PRKG1: variants seen among roughly 807,000 people sequenced by gnomAD.
PRKG1 encodes cGMP-dependent protein kinase 1.
In PRKG1, 35 loss-of-function variants were observed where a neutral mutation model predicts 88.1. The ratio of observed to expected loss-of-function variants is 0.40; its 90% CI spans 0.30 to 0.53. PRKG1 has a LOEUF of 0.53. PRKG1 is among the 20% of genes least tolerant of loss of function. The pLI, the probability that PRKG1 is intolerant of heterozygous loss-of-function variation, is 0.59. For synonymous variants in PRKG1, 303 were observed against 292.5 expected (o/e 1.04, Z -0.37); for missense variants, 540 against 839.8 (o/e 0.64, Z 4.41).
intron 2 of PRKG1, among the ~76,000 whole-genome samples, chr10:51,387,903 T>C (rs1254924654): frequency 6.6e-6 from 1 of 152,184 alleles, no homozygotes; most frequent in Non-Finnish European, 1.5e-5. Flanking sequence ...AAACATTTAA[T>C]GTTGGGCATA....
chr10:51,234,703 A>C (rs192060055), intron 2 of PRKG1, among the ~76,000 whole-genome samples: 99 of 152,350 alleles, frequency 6.5e-4, no homozygotes, highest in Admixed American at 2.4e-3. Context: ...AATAGGAATT[A>C]ATATTTTGCA....
intron 7 of PRKG1, among the ~76,000 whole-genome samples, chr10:52,122,291 G>A (rs1374630082): frequency 6.6e-6 from 1 of 152,140 alleles, no homozygotes; most frequent in Non-Finnish European, 1.5e-5. Flanking sequence ...CATTCATGAG[G>A]GCAAAGCCCT....
At chr10:51,451,622 G>T (rs293265) in intron 2 of PRKG1, among the ~76,000 whole-genome samples, 53,182 of 151,676 alleles carry the variant, frequency 0.35, 10,571 homozygotes, top group African/African-American at 0.51. Flanking sequence ...TATCAGAATT[G>T]CATCCAATAA....
At chr10:51,314,545 A>G (rs1268538352) in intron 2 of PRKG1, among the ~76,000 whole-genome samples, 5 of 152,204 alleles carry the variant, frequency 3.3e-5, no homozygotes, top group African/African-American at 1.2e-4. Context: ...TGAAATACAC[A>G]TCAGATCAAC....
intron 2 of PRKG1, among the ~76,000 whole-genome samples, chr10:51,424,422 T>G (rs1467733653): frequency 6.6e-6 from 1 of 151,968 alleles, no homozygotes; most frequent in Non-Finnish European, 1.5e-5. Context: ...ACTTTTTAGA[T>G]TTTTTTTAAA....
intron 5 of PRKG1, among the ~76,000 whole-genome samples, chr10:51,982,490 T>A (rs1322949199): frequency 5.3e-5 from 8 of 152,220 alleles, no homozygotes; most frequent in African/African-American, 1.7e-4. Flanking sequence ...ATTTATTTTC[T>A]TTTATCCTAT....
intron 1 of PRKG1, among the ~76,000 whole-genome samples, chr10:51,122,098 C>T (rs868084843): frequency 6.6e-6 from 1 of 152,170 alleles, no homozygotes; most frequent in Middle Eastern, 3.2e-3. Flanking sequence ...ACATCTGTTG[C>T]CTTAGTCCAG....
At chr10:51,955,972 C>T (rs1238614398) in intron 5 of PRKG1, among the ~76,000 whole-genome samples, 1 of 151,964 alleles carries the variant, frequency 6.6e-6, no homozygotes, top group East Asian at 1.9e-4. Context: ...GATTAAAAGG[C>T]ATTTGTTTTG....
At chr10:50,996,453 A>G (rs886870931) in intron 1 of PRKG1, among the ~76,000 whole-genome samples, 1 of 152,242 alleles carries the variant, frequency 6.6e-6, no homozygotes, top group Non-Finnish European at 1.5e-5. Flanking sequence ...AATGGGAGTT[A>G]AAAGTCTTAG....
At chr10:51,589,695 C>T (rs1183925693) in intron 3 of PRKG1, among the ~76,000 whole-genome samples, 1 of 152,146 alleles carries the variant, frequency 6.6e-6, no homozygotes, top group African/African-American at 2.4e-5. Context: ...GGATATTTAC[C>T]AGGTTATGCA....
At chr10:52,016,741 AT>A (rs1845050094) in intron 5 of PRKG1, among the ~76,000 whole-genome samples, 2 of 152,216 alleles carry the variant, frequency 1.3e-5, no homozygotes, top group Non-Finnish European at 1.5e-5. Flanking sequence ...AGAGTCCTTG[AT>A]TTTATAGTAT....
intron 5 of PRKG1, among the ~76,000 whole-genome samples, chr10:52,011,877 T>G (rs888491342): frequency 6.6e-6 from 1 of 152,282 alleles, no homozygotes; most frequent in African/African-American, 2.4e-5. Flanking sequence ...TCTCATGATA[T>G]CTGATGGTTG....
chr10:51,707,589 C>CTT (rs397959919), intron 3 of PRKG1, among the ~76,000 whole-genome samples: 15 of 147,518 alleles, frequency 1.0e-4, no homozygotes, highest in African/African-American at 2.5e-4. Flanking sequence ...ACGCATGAAT[C>CTT]TTTTTTTTTT....
intron 1 of PRKG1, among the ~76,000 whole-genome samples, chr10:51,042,262 C>T (rs74133952): frequency 3.0e-4 from 45 of 152,254 alleles, no homozygotes; most frequent in African/African-American, 1.1e-3. Context: ...AATGCTTTCA[C>T]GCAGTAAAAA....
intron 2 of PRKG1, among the ~76,000 whole-genome samples, chr10:51,411,147 G>A (rs961393821): frequency 3.9e-5 from 6 of 152,068 alleles, no homozygotes; most frequent in African/African-American, 1.2e-4. Flanking sequence ...CTACAGGTGT[G>A]CACCACCACG....
chr10:51,164,481 A>T (rs1260335336), intron 2 of PRKG1, among the ~76,000 whole-genome samples: 1 of 152,214 alleles, frequency 6.6e-6, no homozygotes, highest in Non-Finnish European at 1.5e-5. Context: ...AACTCCAAAA[A>T]GCAGAGCGCC....
Position 52,133,877 on chromosome 10 carries a change from G to A in PRKG1, c.973G>A (p.Ala325Thr). The A allele has an allele frequency of 6.2e-7, 1 of 1,613,152 alleles. No homozygotes were observed. The highest frequency in any genetic ancestry group is 8.5e-7 in the Non-Finnish European group (1 of 1,179,394). ...AACAGCAAACGTAATTGCTGCAGAA[G>A]CTGTAACCTGCCTTGTGATTGACAG... Reference protein sequence around the residue: ...VRTANVIAAEAVTCLVIDRDS... With the variant: ...VRTANVIAAETVTCLVIDRDS... Residue 325 changes from alanine to threonine, a missense_variant, in exon 8 of 18, where the codon GCT becomes ACT. Physicochemically the swap from Ala to Thr is moderately conservative, Grantham distance 58 (BLOSUM62 0). This residue lies in a region of PRKG1 where 400 missense variants were observed against 562.7 expected (regional missense o/e 0.71). Transcript: ENST00000373980.
chr10:51,946,415 G>T (rs1255024906), intron 5 of PRKG1, among the ~76,000 whole-genome samples: 1 of 151,984 alleles, frequency 6.6e-6, no homozygotes, highest in African/African-American at 2.4e-5. Flanking sequence ...ATTTCCTCCT[G>T]TAGCTCGGAG....
rs1433048297 is a variant in PRKG1 at position 51,205,127 on chromosome 10, C to CTTTCTTTTTTTTTTTTTTTTTTGTTTTT, written c.478+51800_478+51801insCTTTTTTTTTTTTTTTTTTGTTTTTTTT. On this transcript the variant is annotated intron_variant, in intron 2 of 17. Coordinates refer to ENST00000373980, the MANE Select transcript of PRKG1 (RefSeq NM_006258.4). ...TAAGGAAGAATTTTCATTTTCTTTT[C>CTTTCTTTTTTTTTTTTTTTTTTGTTTTT]TTTTTTTTTTTTTTTTTTTTTTTTT... 3.1e-5 allele frequency among the ~76,000 whole-genome samples: 2 copies of CTTTCTTTTTTTTTTTTTTTTTTGTTTTT among 64,030 alleles called. 1 individual carries two copies. Among genetic ancestry groups the CTTTCTTTTTTTTTTTTTTTTTTGTTTTT allele is most frequent in the Non-Finnish European group, 6.0e-5 (2 of 33,246 alleles). 42.0% of individuals were successfully genotyped at this position (64,030 alleles called of 152,430 possible).
Sources: allele counts gnomAD v4.1 joint callset (sites outside exome capture counted in the v4.1 genomes callset), GRCh38; gene constraint gnomAD v4.1.1; regional missense constraint gnomAD v4.1.1; transcripts MANE v1.5; gene names NCBI Gene and HGNC (gene_info 2026-07-23, HGNC 2026-07-21).